The following GLYATL2 variants were observed in gnomAD, a reference collection of about 807,000 sequenced individuals.
GLYATL2 encodes glycine N-acyltransferase-like protein 2.
A neutral mutation model predicts 21.4 loss-of-function variants in GLYATL2; 25 were observed. The ratio of observed to expected loss-of-function variants is 1.17; its 90% CI spans 0.85 to 1.63. The LOEUF (loss-of-function observed/expected upper bound fraction) is 1.63. Ranked by LOEUF, GLYATL2 falls within the 40% of genes most tolerant of loss-of-function variation. GLYATL2 has a pLI of 0.00. For synonymous variants in GLYATL2, 114 were observed against 118.2 expected, an observed-to-expected ratio of 0.96 and a Z score of 0.23; for missense variants, 361 against 343.3, an observed-to-expected ratio of 1.05 and a Z score of -0.41.
At position 58,834,452 on chromosome 11, in the gene GLYATL2, A is replaced by C; in HGVS notation, c.862T>G (p.Cys288Gly). 6.3e-7 allele frequency: 1 copy of C among 1,598,690 alleles called. No individual in the cohort carries two copies. The highest frequency in any genetic ancestry group is 8.5e-7 in the Non-Finnish European group (1 of 1,173,316). The change falls in exon 6 of 6, where the codon TGC becomes GGC. Residue 288 changes from cysteine (C) to glycine (G), a missense_variant. By Grantham distance (159) the Cys-to-Gly change is radical. Transcript: ENST00000287275. ...AATCAACAATATTTCTTGGGGGTGC[A>C]TTTCCACTGATGCCAGCCACAAGGA... ...ICPCGWHQWKCTPKKYC is the reference protein window; with the variant it reads ...ICPCGWHQWKGTPKKYC
intron 1 of GLYATL2, among the ~76,000 whole-genome samples, chr11:58,855,394 A>G (rs1341081536): frequency 6.6e-6 from 1 of 152,230 alleles, no homozygotes; most frequent in East Asian, 1.9e-4. Context: ...TTATAAGAAT[A>G]TATTTTTCGT....
At chr11:58,891,654 C>A (rs1486847411) in intron 1 of GLYATL2, among the ~76,000 whole-genome samples, 1 of 152,128 alleles carries the variant, frequency 6.6e-6, no homozygotes, top group East Asian at 1.9e-4. Flanking sequence ...AAACAGTAGG[C>A]ACTAAAAATT....
At chr11:58,906,315 G>A (rs552697786), upstream of GLYATL2, among the ~76,000 whole-genome samples, 6 of 152,326 alleles carry the variant, frequency 3.9e-5, no homozygotes, top group South Asian at 1.2e-3. Flanking sequence ...TCGTCTGGGT[G>A]TTCCTGAATC....
chr11:58,855,781 C>A (rs193014619), intron 1 of GLYATL2, among the ~76,000 whole-genome samples: 11 of 152,308 alleles, frequency 7.2e-5, no homozygotes, highest in African/African-American at 2.6e-4. Flanking sequence ...TCTGGATAAT[C>A]TTTTACAATT....
At chr11:58,879,017 T>G (rs1315221329) in intron 1 of GLYATL2, among the ~76,000 whole-genome samples, 1 of 152,150 alleles carries the variant, frequency 6.6e-6, no homozygotes, top group African/African-American at 2.4e-5. Flanking sequence ...GTGACAGGAT[T>G]AGGCATGTAA....
chr11:58,878,720 G>T (rs1379289389), intron 1 of GLYATL2, among the ~76,000 whole-genome samples: 1 of 152,132 alleles, frequency 6.6e-6, no homozygotes, highest in Non-Finnish European at 1.5e-5. Context: ...TGAGAGTAAA[G>T]CCAGTATTTT....
chr11:58,852,882 T>C (rs1253314791), intron 1 of GLYATL2, among the ~76,000 whole-genome samples: 3 of 152,206 alleles, frequency 2.0e-5, no homozygotes, highest in African/African-American at 7.2e-5. Context: ...GTTCCCAAGC[T>C]GAGTGCTAAG....
At chr11:58,860,335 GTTT>G (rs1853909209) in intron 1 of GLYATL2, among the ~76,000 whole-genome samples, 1 of 4,278 alleles carries the variant, frequency 2.3e-4, no homozygotes. Flanking sequence ...TTACCACCTT[GTTT>G]AAGTTTACTC....
At position 58,851,435 on chromosome 11, in the gene GLYATL2, A is replaced by G. The variant is rs1853739827; in HGVS notation, n.61-13067T>C. 2.0e-5 allele frequency among the ~76,000 whole-genome samples: 3 copies of G among 152,200 alleles called. No homozygotes were observed. The South Asian group carries it at 6.2e-4, about 31-fold the overall frequency. ...AACTATCCTTGCATCCTAGGGATAC[A>G]TCCCAGTTGGTCATGATGAATAATC... On this transcript the variant is annotated intron_variant and non_coding_transcript_variant, in intron 1 of 4. Transcript: ENST00000533636.
chr11:58,852,730 G>A (rs1289062265), intron 1 of GLYATL2, among the ~76,000 whole-genome samples: 2 of 152,182 alleles, frequency 1.3e-5, no homozygotes, highest in East Asian at 1.9e-4. Context: ...TTATCTGCCA[G>A]TTTCCTTGTT....
Position 58,868,980 on chromosome 11 carries a change from C to CAGGG in GLYATL2, n.61-30613_61-30612insCCCT, listed in dbSNP as rs1854067652. ...GTATGGACACTCTTGGGGAGTTGTT[C>CAGGG]GTCATTTTGTGTGTGTCCAGGCAAG... On this transcript the variant is annotated intron_variant and non_coding_transcript_variant, in intron 1 of 4. Coordinates refer to the GLYATL2 transcript ENST00000533636. 3.3e-5 allele frequency among the ~76,000 whole-genome samples: 5 copies of CAGGG among 149,322 alleles called. 1 individual carries two copies. Among genetic ancestry groups the CAGGG allele is most frequent in the East Asian group, 4.4e-4 (2 of 4,498 alleles).
upstream of GLYATL2, among the ~76,000 whole-genome samples, chr11:58,848,623 T>G (rs1853685102): frequency 6.6e-6 from 1 of 152,106 alleles, no homozygotes; most frequent in Non-Finnish European, 1.5e-5. Flanking sequence ...ATTAGTGAGC[T>G]TGAAGACAGG....
chr11:58,834,442 T>C lies in GLYATL2; in HGVS notation c.872A>G (p.Lys291Arg), dbSNP rs1435200926. The C allele has an allele frequency of 1.3e-6, 2 of 1,589,494 alleles. No homozygotes were observed. The highest frequency in any genetic ancestry group is 1.7e-6 in the Non-Finnish European group (2 of 1,169,760). ...CAGTGGAATCAATCAACAATATTTC[T>C]TGGGGGTGCATTTCCACTGATGCCA... is the stretch of plus-strand genomic sequence containing the variant. ...CGWHQWKCTPKKYC is the reference protein window; with the variant it reads ...CGWHQWKCTPRKYC The change falls in exon 6 of 6, where the codon AAG (lysine) becomes AGG (arginine). Residue 291 changes from lysine (K) to arginine (R), a missense_variant. Physicochemically the swap from Lys to Arg is conservative, Grantham distance 26. Coordinates refer to ENST00000287275, the MANE Select transcript of GLYATL2 (RefSeq NM_145016.4).
intron 1 of GLYATL2, among the ~76,000 whole-genome samples, chr11:58,854,008 A>G (rs3020908): frequency 0.89 from 134,922 of 152,100 alleles, 61,001 homozygotes; most frequent in Non-Finnish European, 0.98. Context: ...CTCTGCTTCT[A>G]TGAATTTAAC....
chr11:58,846,827 G>A (rs1374829633), upstream of GLYATL2, among the ~76,000 whole-genome samples: 1 of 152,058 alleles, frequency 6.6e-6, no homozygotes, highest in Non-Finnish European at 1.5e-5. Flanking sequence ...TGGACTGGGG[G>A]GACACTTGAC....
At chr11:58,901,168 G>T (rs551709858) in intron 1 of GLYATL2, among the ~76,000 whole-genome samples, 65 of 152,306 alleles carry the variant, frequency 4.3e-4, no homozygotes, top group Non-Finnish European at 8.7e-4. Flanking sequence ...TGACGCCCTG[G>T]GAGGGTCACA....
chr11:58,859,416 CAGAG>C (rs756614655), intron 1 of GLYATL2, among the ~76,000 whole-genome samples: 6 of 151,244 alleles, frequency 4.0e-5, no homozygotes, highest in Non-Finnish European at 8.9e-5. Context: ...AAAAAAAACT[CAGAG>C]AGAGAGAGAG....
chr11:58,898,895 A>C (rs1854683368), intron 1 of GLYATL2, among the ~76,000 whole-genome samples: 1 of 152,194 alleles, frequency 6.6e-6, no homozygotes, highest in Non-Finnish European at 1.5e-5. Flanking sequence ...TACTGATATA[A>C]TATGTGAAGA....
chr11:58,860,959 A>T (rs1445531303), intron 1 of GLYATL2, among the ~76,000 whole-genome samples: 1 of 152,068 alleles, frequency 6.6e-6, no homozygotes. Flanking sequence ...CTGTATCATG[A>T]TTAATGACCT....
Sources: gnomAD v4.1 joint callset for allele counts (sites outside exome capture counted in the v4.1 genomes callset) on GRCh38, gnomAD v4.1.1 for gene constraint, MANE v1.5 for transcripts, NCBI Gene and HGNC (gene_info 2026-07-23, HGNC 2026-07-21) for gene names.